Variants in PUS10 observed in about 807,000 individuals in gnomAD.
PUS10 encodes the protein pseudouridine synthase 10, also known as tRNA pseudouridine synthase Pus10.
A neutral mutation model predicts 75.0 loss-of-function variants in PUS10; 59 were observed. That is an observed-to-expected ratio of 0.79 (90% confidence interval 0.64 to 0.98). The LOEUF (loss-of-function observed/expected upper bound fraction) is 0.98, where lower values mean the gene tolerates loss of function less well. Among genes scored for constraint, PUS10 ranks in the 50% least tolerant of loss-of-function variants. PUS10 has a pLI of 0.00. For missense variants in PUS10, 650 were observed against 614.4 expected (o/e 1.06, Z -0.61); for synonymous variants, 219 against 211.6 (o/e 1.03, Z -0.30).
chr2:60,978,241 G>A (rs1677157484), intron 4 of PUS10, among the ~76,000 whole-genome samples: 1 of 151,844 alleles, frequency 6.6e-6, no homozygotes, highest in African/African-American at 2.4e-5. Flanking sequence ...GGCCAACATG[G>A]TGAAACCCCA....
chr2:60,988,555 T>A (rs1399283007), intron 4 of PUS10, among the ~76,000 whole-genome samples: 1 of 152,212 alleles, frequency 6.6e-6, no homozygotes, highest in Non-Finnish European at 1.5e-5. Flanking sequence ...ATTAGACAAA[T>A]GCAAAAATTT....
chr2:60,945,383 G>T (rs976372741), intron 16 of PUS10, among the ~76,000 whole-genome samples: 2 of 152,142 alleles, frequency 1.3e-5, no homozygotes, highest in African/African-American at 4.8e-5. Context: ...CCAAGGTTTG[G>T]ATGTGGATTT....
chr2:60,976,902 T>G (rs958033898), intron 4 of PUS10, among the ~76,000 whole-genome samples: 2 of 152,046 alleles, frequency 1.3e-5, no homozygotes, highest in Non-Finnish European at 2.9e-5. Context: ...ACAAAAAAAT[T>G]TTTCCTCCCC....
chr2:60,975,509 A>G (rs1206121564), intron 4 of PUS10, among the ~76,000 whole-genome samples: 2 of 152,012 alleles, frequency 1.3e-5, no homozygotes, highest in African/African-American at 4.8e-5. Flanking sequence ...GGTTTTACTT[A>G]ATTTCTGGGA....
intron 4 of PUS10, among the ~76,000 whole-genome samples, chr2:60,978,284 T>C (rs1677162177): frequency 6.6e-6 from 1 of 151,708 alleles, no homozygotes; most frequent in Non-Finnish European, 1.5e-5. Context: ...TAGCCGGGTG[T>C]GGTGGTGCGC....
chr2:61,017,830 C>T, intron 1 of PUS10, 178 bp downstream of exon 1: 6 of 1,550,532 alleles, frequency 3.9e-6, no homozygotes, highest in Non-Finnish European at 5.2e-6. Context: ...GGACCGGGAC[C>T]AGGACCGGGC....
At chr2:61,017,813 G>C (rs1002699754) in intron 1 of PUS10, 195 bp downstream of exon 1, 1 of 1,550,566 alleles carries the variant, frequency 6.4e-7, no homozygotes. Flanking sequence ...GCCGAATTCC[G>C]GGAGCCGGAC....
chr2:60,941,267 T>G lies in PUS10; in HGVS notation c.*1128A>C, dbSNP rs899451298. On this transcript the variant is annotated 3_prime_UTR_variant, in exon 18 of 18. Coordinates refer to ENST00000316752, the MANE Select transcript of PUS10 (RefSeq NM_144709.4). ...GGTAACTATATAAGATTGTATTAAA[T>G]AGTCTTGGGCTATTTTTTGGTAAGC... is the stretch of plus-strand genomic sequence containing the variant. 1 of 152,294 alleles carries G rather than the reference T, an allele frequency of 6.6e-6. No individual in the cohort carries two copies. The highest frequency in any genetic ancestry group is 1.5e-5 in the Non-Finnish European group (1 of 67,998). The allele number at this position is 152,294 out of a possible 1,614,324, so 9.4% of individuals were successfully genotyped here.
At chr2:61,008,720 C>G in intron 3 of PUS10, 41 bp downstream of exon 3, 1 of 1,396,726 alleles carries the variant, frequency 7.2e-7, no homozygotes, top group African/African-American at 1.5e-5. Flanking sequence ...GACTGAAAAT[C>G]TCTACATAAT....
Position 60,948,071 on chromosome 2 carries a change from G to A in PUS10, c.1423C>T (p.Arg475Cys), listed in dbSNP as rs746343400. Reference sequence around the variant, plus strand: ...CCAGCCTGAGTTTTCAAGTGGAGGCGGAAGTGGTGCTCATCCACGTACTGT... The same window carrying A: ...CCAGCCTGAGTTTTCAAGTGGAGGCAGAAGTGGTGCTCATCCACGTACTGT... ...ETQYVDEHHFRLHLKTQAGTY... is the reference protein window; with the variant it reads ...ETQYVDEHHFCLHLKTQAGTY... The change falls in exon 16 of 18, where the codon CGC becomes TGC. Residue 475 changes from arginine to cysteine, a missense_variant. Transcript: ENST00000316752. 9.3e-6 allele frequency: 15 copies of A among 1,613,938 alleles called. No individual in the cohort carries two copies. The highest frequency in any genetic ancestry group is 6.6e-5 in the South Asian group (6 of 91,086).
intron 16 of PUS10, among the ~76,000 whole-genome samples, chr2:60,946,202 A>T (rs960856553): frequency 1.3e-5 from 2 of 152,242 alleles, no homozygotes; most frequent in Non-Finnish European, 2.9e-5. Flanking sequence ...CAGAATAACC[A>T]GTTAAAATGT....
At chr2:60,943,849 G>A (rs1674774404) in intron 17 of PUS10, among the ~76,000 whole-genome samples, 2 of 151,954 alleles carry the variant, frequency 1.3e-5, no homozygotes, top group South Asian at 4.1e-4. Context: ...CCAGTGGGCA[G>A]TCAGTGTTGA....
chr2:60,942,951 A>G (rs1348549613), intron 17 of PUS10, among the ~76,000 whole-genome samples: 1 of 150,660 alleles, frequency 6.6e-6, no homozygotes, highest in Non-Finnish European at 1.5e-5. Context: ...GAACAGCTTG[A>G]GCCCAGGAGG....
intron 4 of PUS10, among the ~76,000 whole-genome samples, chr2:60,989,636 CTTTT>C (rs548125640): frequency 6.8e-6 from 1 of 147,392 alleles, no homozygotes; most frequent in African/African-American, 2.5e-5. Context: ...ACTGCTTATT[CTTTT>C]TTTTTTTCTG....
chr2:60,947,845 A>G (rs1160883767), intron 16 of PUS10, among the ~76,000 whole-genome samples, 198 bp downstream of exon 16: 32 of 151,206 alleles, frequency 2.1e-4, no homozygotes, highest in African/African-American at 6.1e-4. Flanking sequence ...AAAAAAAAAA[A>G]AAAAAGAAAA....
chr2:60,981,367 T>G (rs1256324368), intron 4 of PUS10, among the ~76,000 whole-genome samples: 1 of 151,886 alleles, frequency 6.6e-6, no homozygotes, highest in Non-Finnish European at 1.5e-5. Flanking sequence ...ACTGCAACTT[T>G]TGCCTCCCAG....
At chr2:60,947,404 C>G (rs1675012961) in intron 16 of PUS10, among the ~76,000 whole-genome samples, 1 of 152,166 alleles carries the variant, frequency 6.6e-6, no homozygotes, top group Non-Finnish European at 1.5e-5. Context: ...CAAAAAATGT[C>G]AAGACAGCAA....
At chr2:60,962,978 T>C (rs1676123232) in intron 8 of PUS10, 88 bp from the exon 9 acceptor site, 4 of 1,444,608 alleles carry the variant, frequency 2.8e-6, no homozygotes, top group Non-Finnish European at 3.6e-6. Context: ...GCTGGAGAAA[T>C]TGTATCATTT....
At chr2:61,011,990 G>T in intron 1 of PUS10, 85 bp from the exon 2 acceptor site, 1 of 1,060,618 alleles carries the variant, frequency 9.4e-7, no homozygotes, top group Non-Finnish European at 1.3e-6. Flanking sequence ...ATAAAAACTA[G>T]CTTTCATTTG....
Sources: gnomAD v4.1 joint callset for allele counts (sites outside exome capture counted in the v4.1 genomes callset) on GRCh38, gnomAD v4.1.1 for gene constraint, MANE v1.5 for transcripts, NCBI Gene and HGNC (gene_info 2026-07-23, HGNC 2026-07-21) for gene names.